The following GALNTL6 variants were observed in gnomAD, a reference collection of about 807,000 sequenced individuals.
The protein encoded by GALNTL6 is polypeptide N-acetylgalactosaminyltransferase-like 6.
In GALNTL6, 46 loss-of-function variants were observed where a neutral mutation model predicts 73.7. The ratio of observed to expected loss-of-function variants is 0.62; its 90% confidence interval spans 0.49 to 0.80. The LOEUF is 0.80. Ranked by LOEUF, GALNTL6 falls within the 30% of genes least tolerant of loss-of-function variation. The pLI is 0.00. For synonymous variants in GALNTL6, 259 were observed against 263.7 expected, an observed-to-expected ratio of 0.98 and a Z score of 0.17; for missense variants, 604 against 755.0, an observed-to-expected ratio of 0.80 and a Z score of 2.34.
At chr4:172,202,836 A>T (rs1188244772) in intron 2 of GALNTL6, among the ~76,000 whole-genome samples, 1 of 152,240 alleles carries the variant, frequency 6.6e-6, no homozygotes, top group South Asian at 2.1e-4. Flanking sequence ...TTTTCACAAA[A>T]TGGATGATTT....
At chr4:172,499,562 A>G (rs1198557349) in intron 5 of GALNTL6, among the ~76,000 whole-genome samples, 1 of 152,262 alleles carries the variant, frequency 6.6e-6, no homozygotes, top group Non-Finnish European at 1.5e-5. Flanking sequence ...CCAGGACAGA[A>G]TAAAAAGTTA....
intron 5 of GALNTL6, among the ~76,000 whole-genome samples, chr4:172,447,137 A>G (rs1337676887): frequency 4.6e-5 from 7 of 152,184 alleles, no homozygotes; most frequent in Admixed American, 3.3e-4. Flanking sequence ...CATTATAAAA[A>G]TGAAGCTGTA....
chr4:172,325,329 G>T (rs1406784842), intron 4 of GALNTL6, among the ~76,000 whole-genome samples: 16 of 151,900 alleles, frequency 1.1e-4, no homozygotes, highest in Non-Finnish European at 1.0e-4. Context: ...CATTAAATTT[G>T]TAATTAAAAG....
At chr4:171,913,156 C>T (rs549803295) in intron 2 of GALNTL6, among the ~76,000 whole-genome samples, 2 of 152,198 alleles carry the variant, frequency 1.3e-5, no homozygotes, top group African/African-American at 4.8e-5. Context: ...AAGTAAGGTT[C>T]AGAAGTAAAG....
chr4:172,250,492 G>A (rs1042221641), intron 3 of GALNTL6, among the ~76,000 whole-genome samples: 1 of 152,048 alleles, frequency 6.6e-6, no homozygotes, highest in African/African-American at 2.4e-5. Context: ...TGGTTTTGCT[G>A]TGCTCCCACC....
intron 2 of GALNTL6, among the ~76,000 whole-genome samples, chr4:172,079,411 C>T (rs895753169): frequency 3.3e-5 from 5 of 151,824 alleles, no homozygotes; most frequent in Non-Finnish European, 5.9e-5. Context: ...ATATATAATG[C>T]CTTTATGTAT....
At chr4:172,370,630 CA>C (rs71592072) in intron 5 of GALNTL6, among the ~76,000 whole-genome samples, 452 of 59,818 alleles carry the variant, frequency 7.6e-3, no homozygotes, top group Admixed American at 0.01. Flanking sequence ...GACTCCATCT[CA>C]AAAAAAAAAA....
intron 2 of GALNTL6, among the ~76,000 whole-genome samples, chr4:172,164,383 A>G (rs1734559695): frequency 6.6e-6 from 1 of 152,048 alleles, no homozygotes; most frequent in South Asian, 2.1e-4. Context: ...AGATAAATAG[A>G]AATAACTGTA....
intron 5 of GALNTL6, among the ~76,000 whole-genome samples, chr4:172,366,089 C>T (rs529652090): frequency 6.6e-6 from 1 of 152,210 alleles, no homozygotes; most frequent in South Asian, 2.1e-4. Context: ...CTCACTTTTT[C>T]TTACCAAAGG....
intron 3 of GALNTL6, among the ~76,000 whole-genome samples, chr4:172,254,495 C>G (rs1560991768): frequency 6.6e-6 from 1 of 151,590 alleles, no homozygotes; most frequent in Non-Finnish European, 1.5e-5. Flanking sequence ...ACACTCCACT[C>G]CCACATATCA....
chr4:171,955,712 G>T (rs974928453), intron 2 of GALNTL6, among the ~76,000 whole-genome samples: 12 of 151,680 alleles, frequency 7.9e-5, no homozygotes, highest in Non-Finnish European at 1.8e-4. Flanking sequence ...ATCAATAATA[G>T]GTTGAATCTC....
At chr4:172,762,259 G>T (rs1292844767) in intron 5 of GALNTL6, among the ~76,000 whole-genome samples, 1 of 152,190 alleles carries the variant, frequency 6.6e-6, no homozygotes, top group East Asian at 1.9e-4. Context: ...AGAGGGAAAA[G>T]TCAAATACAG....
chr4:172,741,147 A>G (rs1403738105), intron 5 of GALNTL6, among the ~76,000 whole-genome samples: 1 of 152,116 alleles, frequency 6.6e-6, no homozygotes, highest in Non-Finnish European at 1.5e-5. Flanking sequence ...GCAAGAAGCC[A>G]ATGGGTTTTG....
chr4:172,685,165 C>A (rs1732847170), intron 5 of GALNTL6, among the ~76,000 whole-genome samples: 1 of 151,800 alleles, frequency 6.6e-6, no homozygotes, highest in South Asian at 2.1e-4. Flanking sequence ...TGTAGAAGGG[C>A]AAAAGTAAAA....
At chr4:172,123,085 G>A (rs189770581) in intron 2 of GALNTL6, among the ~76,000 whole-genome samples, 9 of 152,188 alleles carry the variant, frequency 5.9e-5, no homozygotes, top group African/African-American at 2.2e-4. Context: ...GCAGATTTCA[G>A]ATTTTACCTT....
chr4:172,789,568 T>G (rs997593817), intron 5 of GALNTL6, among the ~76,000 whole-genome samples: 5 of 152,196 alleles, frequency 3.3e-5, no homozygotes, highest in African/African-American at 4.8e-5. Flanking sequence ...TGAAGAGATG[T>G]GCAGGGCAAG....
At chr4:172,572,959 C>G (rs1009145291) in intron 5 of GALNTL6, among the ~76,000 whole-genome samples, 1 of 152,038 alleles carries the variant, frequency 6.6e-6, no homozygotes, top group Non-Finnish European at 1.5e-5. Flanking sequence ...AAACATAAGT[C>G]CCTTTGACCT....
chr4:171,904,837 A>G (rs1737222871), intron 2 of GALNTL6, among the ~76,000 whole-genome samples: 1 of 152,224 alleles, frequency 6.6e-6, no homozygotes, highest in African/African-American at 2.4e-5. Context: ...GGGGGCCAAT[A>G]TTCAACATTC....
chr4:172,399,191 C>T (rs1157815216), intron 5 of GALNTL6, among the ~76,000 whole-genome samples: 2 of 151,920 alleles, frequency 1.3e-5, no homozygotes, highest in African/African-American at 4.8e-5. Flanking sequence ...TTAAATAAAG[C>T]AATTGATTTT....
Sources: allele counts gnomAD v4.1 joint callset (sites outside exome capture counted in the v4.1 genomes callset), GRCh38; gene constraint gnomAD v4.1.1; transcripts MANE v1.5; gene names NCBI Gene and HGNC (gene_info 2026-07-23, HGNC 2026-07-21).